Variants in ADGRB3 observed in about 807,000 individuals in gnomAD.
ADGRB3 encodes the protein adhesion G protein-coupled receptor B3, also known as brain-specific angiogenesis inhibitor 3.
Under a neutral mutation model 193.4 loss-of-function variants are expected in ADGRB3, and 37 were observed. That is an observed-to-expected ratio of 0.19 (90% CI 0.15 to 0.25). ADGRB3 has a LOEUF of 0.25. Among genes scored for constraint, ADGRB3 ranks in the 10% least tolerant of loss-of-function variants. The pLI, the probability that ADGRB3 is intolerant of heterozygous loss-of-function variation, is 1.00. For missense variants in ADGRB3, 1,637 were observed against 1,852.9 expected (o/e 0.88, Z 2.14); for synonymous variants, 690 against 644.2 (o/e 1.07, Z -1.08).
chr6:69,319,317 G>A (rs1054402603), intron 20 of ADGRB3, among the ~76,000 whole-genome samples: 1 of 150,970 alleles, frequency 6.6e-6, no homozygotes, highest in African/African-American at 2.4e-5. Context: ...ATTAAATTGT[G>A]GTCTGTGAAA....
chr6:68,636,807 G>A (rs1767969403), intron 1 of ADGRB3, among the ~76,000 whole-genome samples: 1 of 151,880 alleles, frequency 6.6e-6, no homozygotes, highest in Non-Finnish European at 1.5e-5. Flanking sequence ...AAAGACATAC[G>A]ACCTCTTTTT....
intron 3 of ADGRB3, among the ~76,000 whole-genome samples, chr6:68,669,636 G>A (rs867021206): frequency 6.7e-6 from 1 of 150,260 alleles, no homozygotes; most frequent in Admixed American, 6.6e-5. Flanking sequence ...GTGTGTGTGT[G>A]TGTGTGTGTG....
intron 3 of ADGRB3, among the ~76,000 whole-genome samples, chr6:68,831,461 G>C (rs1767951594): frequency 1.3e-5 from 2 of 152,100 alleles, no homozygotes; most frequent in Admixed American, 1.3e-4. Flanking sequence ...GTATTTATCA[G>C]ATTTCTCAGA....
intron 17 of ADGRB3, among the ~76,000 whole-genome samples, chr6:69,104,950 G>A (rs1773168634): frequency 6.6e-6 from 1 of 152,020 alleles, no homozygotes; most frequent in Non-Finnish European, 1.5e-5. Context: ...CAACATACAA[G>A]TTTTATGCTT....
At chr6:68,793,649 C>T (rs1027247533) in intron 3 of ADGRB3, among the ~76,000 whole-genome samples, 2 of 152,134 alleles carry the variant, frequency 1.3e-5, no homozygotes, top group African/African-American at 4.8e-5. Context: ...CTGCTTCAGC[C>T]TCTCAAGTAG....
chr6:69,386,811 T>C (rs1186606643), intron 31 of ADGRB3, among the ~76,000 whole-genome samples: 4 of 152,052 alleles, frequency 2.6e-5, no homozygotes, highest in Non-Finnish European at 5.9e-5. Context: ...TCTCAGAAAG[T>C]TTTATGTGTT....
intron 17 of ADGRB3, among the ~76,000 whole-genome samples, chr6:69,219,543 A>G (rs1765849329): frequency 6.8e-6 from 1 of 146,876 alleles, no homozygotes; most frequent in African/African-American, 2.5e-5. Context: ...ATACATGTGT[A>G]TATATTCTTG....
At chr6:69,259,175 A>C (rs1323762750) in intron 20 of ADGRB3, among the ~76,000 whole-genome samples, 2 of 152,212 alleles carry the variant, frequency 1.3e-5, no homozygotes, top group Admixed American at 6.5e-5. Flanking sequence ...TTGCTTAATA[A>C]GAAAATGAGT....
chr6:69,341,333 T>C (rs1243548543), intron 26 of ADGRB3, among the ~76,000 whole-genome samples: 2 of 152,200 alleles, frequency 1.3e-5, no homozygotes, highest in Admixed American at 6.5e-5. Flanking sequence ...TGGTATTTCA[T>C]TGTGGTTTTG....
At chr6:68,810,235 C>G (rs1523937) in intron 3 of ADGRB3, among the ~76,000 whole-genome samples, 114,668 of 152,032 alleles carry the variant, frequency 0.75, 43,536 homozygotes, top group Middle Eastern at 0.88. Context: ...TGATTCCTTT[C>G]GGAAGTGAGA....
intron 10 of ADGRB3, among the ~76,000 whole-genome samples, chr6:68,987,096 A>G (rs1193753411): frequency 6.6e-6 from 1 of 152,138 alleles, no homozygotes; most frequent in African/African-American, 2.4e-5. Flanking sequence ...AGAAACTTTT[A>G]AGACTTGTCC....
intron 17 of ADGRB3, among the ~76,000 whole-genome samples, chr6:69,205,746 T>C (rs2150359346): frequency 6.6e-6 from 1 of 152,108 alleles, no homozygotes; most frequent in South Asian, 2.1e-4. Flanking sequence ...AGCATTAATC[T>C]CTTCATGAGG....
intron 3 of ADGRB3, among the ~76,000 whole-genome samples, chr6:68,903,411 A>G (rs1766453155): frequency 6.6e-6 from 1 of 152,178 alleles, no homozygotes; most frequent in Non-Finnish European, 1.5e-5. Flanking sequence ...AATATTTCAA[A>G]ATATTATAGC....
rs1285306547 is a variant in ADGRB3 at position 69,022,459 on chromosome 6, TTTTCTA to T, written c.2107+3962_2107+3967del. 2.0e-5 allele frequency among the ~76,000 whole-genome samples: 3 copies of T among 151,870 alleles called. No homozygotes were observed. The East Asian group carries it at 5.8e-4, about 29-fold the overall frequency. The stretch of plus-strand genomic sequence containing the variant: ...TTATTTGAAGATTTATTTCAACTTG[TTTTCTA>T]TACTTTTCCTCTAAACATTTTTCCT... On this transcript the variant is annotated intron_variant, in intron 13 of 31. Coordinates refer to ENST00000370598, the MANE Select transcript of ADGRB3 (RefSeq NM_001704.3).
intron 19 of ADGRB3, among the ~76,000 whole-genome samples, chr6:69,237,244 T>C (rs899364116): frequency 7.9e-5 from 12 of 152,000 alleles, no homozygotes; most frequent in Admixed American, 7.2e-4. Flanking sequence ...CCTACCACCT[T>C]TTATTCTCAG....
intron 29 of ADGRB3, among the ~76,000 whole-genome samples, chr6:69,363,931 G>A (rs974554632): frequency 3.8e-4 from 58 of 152,058 alleles, no homozygotes; most frequent in Admixed American, 3.8e-3. Context: ...TATCTACATA[G>A]AGAGTGGGAT....
chr6:69,244,881 A>G (rs1457482871), intron 20 of ADGRB3, among the ~76,000 whole-genome samples: 1 of 152,044 alleles, frequency 6.6e-6, no homozygotes, highest in African/African-American at 2.4e-5. Context: ...TACCACTTAA[A>G]CAGTAGCTGT....
At chr6:69,322,173 G>T (rs1768469778) in intron 20 of ADGRB3, among the ~76,000 whole-genome samples, 2 of 151,856 alleles carry the variant, frequency 1.3e-5, no homozygotes, top group African/African-American at 2.4e-5. Flanking sequence ...TTCCTGCAAA[G>T]GATATGATCT....
chr6:68,969,204 G>C (rs1255803517), intron 8 of ADGRB3, among the ~76,000 whole-genome samples: 1 of 152,106 alleles, frequency 6.6e-6, no homozygotes, highest in Non-Finnish European at 1.5e-5. Flanking sequence ...TCAATCTGTT[G>C]TGAGAAGGGC....
Sources: allele counts gnomAD v4.1 joint callset (sites outside exome capture counted in the v4.1 genomes callset), GRCh38; gene constraint gnomAD v4.1.1; transcripts MANE v1.5; gene names NCBI Gene and HGNC (gene_info 2026-07-23, HGNC 2026-07-21).